Variants in DYNC2H1 observed in about 807,000 individuals in gnomAD.
DYNC2H1 encodes dynein cytoplasmic 2 heavy chain 1.
In DYNC2H1, 410 loss-of-function variants were observed where a neutral mutation model predicts 570.0. The ratio of observed to expected loss-of-function variants is 0.72; its 90% CI spans 0.66 to 0.78. The LOEUF is 0.78. DYNC2H1 is among the 30% of genes least tolerant of loss of function. The pLI is 0.00. For synonymous variants in DYNC2H1, 1,688 were observed against 1,677.6 expected, an observed-to-expected ratio of 1.01 and a Z score of -0.15; for missense variants, 4,865 against 5,046.4, an observed-to-expected ratio of 0.96 and a Z score of 1.09.
chr11:103,468,785 G>A (rs1347109848), intron 88 of DYNC2H1, 80 bp downstream of exon 88: 9 of 1,140,812 alleles, frequency 7.9e-6, no homozygotes, highest in Non-Finnish European at 1.1e-5. Flanking sequence ...GACATTCTTG[G>A]CCTGTGTATT....
chr11:103,347,294 A>T (rs1250238479), intron 82 of DYNC2H1, among the ~76,000 whole-genome samples: 1 of 151,508 alleles, frequency 6.6e-6, no homozygotes, highest in African/African-American at 2.4e-5. Context: ...CCTTTCTGTG[A>T]ATCCTGATTT....
In DYNC2H1 at chr11:103,170,839, A is replaced by T; in HGVS notation, c.5152-47A>T. The T allele has an allele frequency of 1.5e-6, 2 of 1,359,358 alleles. No individual in the cohort carries two copies. The highest frequency in any genetic ancestry group is 1.9e-6 in the Non-Finnish European group (2 of 1,038,478). 84.2% of individuals were successfully genotyped at this position (1,359,358 alleles called of 1,614,324 possible). A position where few individuals can be genotyped will look rare whatever the true frequency, so the allele number is the denominator to read the frequency against. On this transcript the variant is annotated intron_variant, in intron 33 of 88. Coordinates refer to ENST00000375735, the MANE Select transcript of DYNC2H1 (RefSeq NM_001377.3). The surrounding 1 kb of genome is among the most constrained non-coding windows in gnomAD (Gnocchi z 4.8). The stretch of plus-strand genomic sequence containing the variant: ...CATTAAATATTAAGTAGTTATGGAG[A>T]TTTTGATTATTTTTTAATGACTATA...
rs1353873728 is a variant in DYNC2H1 at position 103,461,337 on chromosome 11, T to C, written c.12648+4981T>C. 1.3e-5 allele frequency among the ~76,000 whole-genome samples: 2 copies of C among 152,198 alleles called. No individual in the cohort carries two copies. The highest frequency in any genetic ancestry group is 2.4e-5 in the African/African-American group (1 of 41,454). On this transcript the variant is annotated intron_variant, in intron 87 of 88. Coordinates refer to ENST00000375735, the MANE Select transcript of DYNC2H1 (RefSeq NM_001377.3). The surrounding 1 kb of genome is among the most constrained non-coding windows in gnomAD (Gnocchi z 4.8). ...AAAATCTCTATCACCATAGACTGAATTAAACAGTGAGGCTGTAGTTCTCCA... is the reference window on the plus strand; with the variant it reads ...AAAATCTCTATCACCATAGACTGAACTAAACAGTGAGGCTGTAGTTCTCCA...
chr11:103,333,256 A>G (rs892278659), intron 82 of DYNC2H1, among the ~76,000 whole-genome samples: 1 of 152,050 alleles, frequency 6.6e-6, no homozygotes, highest in Non-Finnish European at 1.5e-5. Flanking sequence ...TATGAGGTTT[A>G]TGTGTTGTTT....
chr11:103,282,417 CAT>C (rs1340003527), intron 72 of DYNC2H1, among the ~76,000 whole-genome samples, 188 bp downstream of exon 72: 3 of 152,034 alleles, frequency 2.0e-5, no homozygotes, highest in African/African-American at 7.2e-5. Flanking sequence ...ACTTTGAAGA[CAT>C]ATATTCTGAG....
chr11:103,364,511 A>T (rs1385495096), intron 83 of DYNC2H1, among the ~76,000 whole-genome samples: 1 of 151,776 alleles, frequency 6.6e-6, no homozygotes, highest in Non-Finnish European at 1.5e-5. Flanking sequence ...TTGAAGTTTT[A>T]CTGGTTCTTG....
intron 83 of DYNC2H1, among the ~76,000 whole-genome samples, chr11:103,383,981 T>G: frequency 1.3e-5 from 2 of 152,358 alleles, no homozygotes; most frequent in Middle Eastern, 6.8e-3. Context: ...GTCTATTATG[T>G]ATGACTACAT....
chr11:103,456,476 G>T, intron 87 of DYNC2H1, 120 bp downstream of exon 87: 1 of 629,076 alleles, frequency 1.6e-6, no homozygotes, highest in Non-Finnish European at 2.5e-6. Flanking sequence ...GAGTTAGATT[G>T]TATTATCTAT....
intron 31 of DYNC2H1, 130 bp downstream of exon 31, chr11:103,166,178 T>A (rs1861296370): frequency 3.2e-6 from 2 of 634,256 alleles, no homozygotes; most frequent in Non-Finnish European, 2.4e-6. Flanking sequence ...ACATATATAC[T>A]TAAATTTTTA....
intron 85 of DYNC2H1, among the ~76,000 whole-genome samples, chr11:103,447,648 C>T (rs1219920913): frequency 6.6e-6 from 1 of 152,182 alleles, no homozygotes; most frequent in Non-Finnish European, 1.5e-5. Context: ...CATCACTAGA[C>T]AGCATGGCTA....
intron 24 of DYNC2H1, 127 bp downstream of exon 24, chr11:103,154,936 T>C (rs1467603687): frequency 8.4e-6 from 6 of 716,788 alleles, no homozygotes; most frequent in Non-Finnish European, 1.3e-5. Context: ...ATGAAGAAAA[T>C]AGGAAATACA....
chr11:103,392,812 A>G (rs1183647930), intron 83 of DYNC2H1, among the ~76,000 whole-genome samples: 3 of 152,128 alleles, frequency 2.0e-5, no homozygotes, highest in Non-Finnish European at 4.4e-5. Flanking sequence ...CAAGTACAAA[A>G]ATCTCAAATG....
At chr11:103,358,454 A>G in intron 83 of DYNC2H1, 95 bp downstream of exon 83, 1 of 809,552 alleles carries the variant, frequency 1.2e-6, no homozygotes, top group Non-Finnish European at 2.0e-6. Context: ...AAGTAATCAC[A>G]TTGCAGAGGT....
At chr11:103,413,195 A>C (rs1240708811) in intron 84 of DYNC2H1, among the ~76,000 whole-genome samples, 1 of 152,214 alleles carries the variant, frequency 6.6e-6, no homozygotes, top group African/African-American at 2.4e-5. Context: ...ATTTATGACT[A>C]CATCCACCAT....
At chr11:103,146,023 A>G (rs1860223852) in intron 18 of DYNC2H1, among the ~76,000 whole-genome samples, 1 of 152,228 alleles carries the variant, frequency 6.6e-6, no homozygotes, top group Non-Finnish European at 1.5e-5. Context: ...ATCAAGTATC[A>G]TAAATCATGA....
At position 103,245,870 on chromosome 11, in the gene DYNC2H1, T is replaced by C. The variant is rs1285391389; in HGVS notation, c.10042+496T>C. 6.6e-6 allele frequency among the ~76,000 whole-genome samples: 1 copy of C among 152,138 alleles called. No individual in the cohort carries two copies. The highest frequency in any genetic ancestry group is 1.9e-4 in the East Asian group (1 of 5,192). On this transcript the variant is annotated intron_variant, in intron 65 of 88. Transcript: ENST00000375735. This position sits in a 1 kb window ranked among gnomAD's most constrained non-coding sequence, Gnocchi z 4.5. The stretch of plus-strand genomic sequence containing the variant: ...CCAGTCTTGGATGATTAGAAGGCTA[T>C]GCCTTGAAACTTAAAGAGCATATCA...
intron 88 of DYNC2H1, among the ~76,000 whole-genome samples, chr11:103,477,860 C>G (rs980330447): frequency 5.7e-5 from 6 of 105,042 alleles, no homozygotes; most frequent in African/African-American, 1.9e-4. Flanking sequence ...AAAAAAAGAT[C>G]AATTATTCCT....
At position 103,189,840 on chromosome 11, in the gene DYNC2H1, C is replaced by G; in HGVS notation, c.7437+24C>G. On this transcript the variant is annotated intron_variant, in intron 45 of 88. Transcript: ENST00000375735. The surrounding 1 kb of genome is among the most constrained non-coding windows in gnomAD (Gnocchi z 4.3). The stretch of plus-strand genomic sequence containing the variant: ...AGGTAGATATGCATCTAAATTGTAG[C>G]TTTCATGTCTATTAGTATCATTTCT... 1 of 1,567,692 alleles carries G rather than the reference C, an allele frequency of 6.4e-7. No individual in the cohort carries two copies. The highest frequency in any genetic ancestry group is 8.6e-7 in the Non-Finnish European group (1 of 1,161,340).
intron 18 of DYNC2H1, among the ~76,000 whole-genome samples, chr11:103,146,475 G>A (rs1218945967): frequency 1.3e-5 from 2 of 152,268 alleles, no homozygotes; most frequent in African/African-American, 4.8e-5. Flanking sequence ...TATTAAAATA[G>A]TACATTTGTT....
Sources: allele counts gnomAD v4.1 joint callset (sites outside exome capture counted in the v4.1 genomes callset), GRCh38; gene constraint gnomAD v4.1.1; non-coding constraint Gnocchi (gnomAD v3.1); transcripts MANE v1.5; gene names NCBI Gene and HGNC (gene_info 2026-07-23, HGNC 2026-07-21).